Variants in CACNB2 observed in about 807,000 individuals in gnomAD.
CACNB2 encodes the protein calcium voltage-gated channel auxiliary subunit beta 2, also known as voltage-dependent L-type calcium channel subunit beta-2.
A neutral mutation model predicts 73.3 loss-of-function variants in CACNB2; 42 were observed. The observed-to-expected ratio is 0.57, with a 90% CI of 0.45 to 0.74. The LOEUF is 0.74. Among genes scored for constraint, CACNB2 ranks in the 30% least tolerant of loss-of-function variants. The pLI is 0.00. For missense variants in CACNB2, 940 were observed against 853.0 expected (o/e 1.10, Z -1.27); for synonymous variants, 348 against 310.3 (o/e 1.12, Z -1.28).
chr10:18,226,759 C>T (rs1312632662), intron 2 of CACNB2, among the ~76,000 whole-genome samples: 2 of 152,142 alleles, frequency 1.3e-5, no homozygotes, highest in African/African-American at 4.8e-5. Context: ...CCAGAAACCA[C>T]AGGAAAGAAG....
At chr10:18,234,869 C>T (rs918766685) in intron 2 of CACNB2, among the ~76,000 whole-genome samples, 1 of 152,146 alleles carries the variant, frequency 6.6e-6, no homozygotes, top group Non-Finnish European at 1.5e-5. Flanking sequence ...AAGGGCCGGG[C>T]GCGGTGACTC....
chr10:18,227,876 A>G (rs988361454), intron 2 of CACNB2, among the ~76,000 whole-genome samples: 1 of 152,246 alleles, frequency 6.6e-6, no homozygotes, highest in Non-Finnish European at 1.5e-5. Context: ...AGAAGTCAAC[A>G]TGGTGAATTA....
intron 2 of CACNB2, among the ~76,000 whole-genome samples, chr10:18,208,138 C>G (rs1232955156): frequency 6.6e-6 from 1 of 152,150 alleles, no homozygotes; most frequent in African/African-American, 2.4e-5. Context: ...AGCCCATGGA[C>G]TGATAAGCCT....
At chr10:18,403,687 C>G (rs567517199) in intron 3 of CACNB2, among the ~76,000 whole-genome samples, 1 of 152,102 alleles carries the variant, frequency 6.6e-6, no homozygotes, top group South Asian at 2.1e-4. Context: ...AATGTTGCTC[C>G]TAAATCAAAC....
At position 18,400,938 on chromosome 10, in the gene CACNB2, A is replaced by G. The variant is rs1207472152; in HGVS notation, c.214-986A>G. 15 of 1,595,908 alleles carry G rather than the reference A, an allele frequency of 9.4e-6. No homozygotes were observed. In the South Asian group the frequency reaches 1.1e-4, roughly 12 times the overall value. ...GAACAGGGGCTTGCCCAGAGCATGG[A>G]TAGGAAAGGAGCTGGGGTTCTCCGG... On this transcript the variant is annotated intron_variant, in intron 2 of 13. Coordinates refer to ENST00000324631, the MANE Select transcript of CACNB2 (RefSeq NM_201596.3).
At chr10:18,273,622 A>G (rs1470228658) in intron 2 of CACNB2, among the ~76,000 whole-genome samples, 2 of 152,202 alleles carry the variant, frequency 1.3e-5, no homozygotes, top group Non-Finnish European at 2.9e-5. Context: ...GGAAACATCC[A>G]GAATTCAAAA....
At chr10:18,371,122 A>G (rs938638218) in intron 2 of CACNB2, among the ~76,000 whole-genome samples, 4 of 152,210 alleles carry the variant, frequency 2.6e-5, no homozygotes, top group African/African-American at 7.2e-5. Context: ...TATTATTTAA[A>G]AATAGTTATT....
chr10:18,430,762 G>A (rs775403158), intron 3 of CACNB2, among the ~76,000 whole-genome samples: 6 of 152,168 alleles, frequency 3.9e-5, no homozygotes, highest in Non-Finnish European at 8.8e-5. Context: ...ACTATTAAGA[G>A]GGGTAGATAT....
chr10:18,209,784 T>C (rs2035243063), intron 2 of CACNB2, among the ~76,000 whole-genome samples: 1 of 152,148 alleles, frequency 6.6e-6, no homozygotes, highest in South Asian at 2.1e-4. Context: ...TTGTCTTGAG[T>C]CATTTACATG....
chr10:18,220,232 T>A (rs2489202), intron 2 of CACNB2, among the ~76,000 whole-genome samples: 1 of 25,084 alleles, frequency 4.0e-5, no homozygotes, highest in Admixed American at 6.7e-4. Flanking sequence ...TATATATATA[T>A]AGAGAGAGAG....
intron 2 of CACNB2, among the ~76,000 whole-genome samples, chr10:18,370,915 G>A (rs1303833358): frequency 6.6e-6 from 1 of 152,160 alleles, no homozygotes; most frequent in Non-Finnish European, 1.5e-5. Flanking sequence ...AGGTACACAT[G>A]TATATGTCAC....
intron 2 of CACNB2, among the ~76,000 whole-genome samples, chr10:18,361,294 C>G (rs1350485294): frequency 2.7e-5 from 4 of 150,556 alleles, no homozygotes; most frequent in African/African-American, 9.8e-5. Flanking sequence ...GAGTCCAAGA[C>G]CAGCTGGCAA....
At chr10:18,159,126 G>A (rs984255355) in intron 2 of CACNB2, among the ~76,000 whole-genome samples, 3 of 151,660 alleles carry the variant, frequency 2.0e-5, no homozygotes, top group African/African-American at 7.3e-5. Flanking sequence ...TATGTACCTG[G>A]CAGCATTCCA....
intron 3 of CACNB2, among the ~76,000 whole-genome samples, chr10:18,492,633 A>AAAG (rs1554830134): frequency 1.0e-4 from 13 of 130,398 alleles, no homozygotes; most frequent in East Asian, 2.3e-4. Context: ...AAAAAAAAAA[A>AAAG]AAAAAGAAAA....
intron 2 of CACNB2, among the ~76,000 whole-genome samples, chr10:18,184,649 GTTTT>G (rs201899870): frequency 1.2e-3 from 104 of 87,740 alleles, no homozygotes; most frequent in East Asian, 4.8e-3. Flanking sequence ...CTCAGACTTT[GTTTT>G]TTTTTTTTTT....
At chr10:18,317,372 A>T (rs540930169) in intron 2 of CACNB2, among the ~76,000 whole-genome samples, 218 of 152,084 alleles carry the variant, frequency 1.4e-3, no homozygotes, top group Non-Finnish European at 2.4e-3. Context: ...AACCCAATAG[A>T]TGGTTTTTCA....
At chr10:18,289,281 C>CTTT (rs1564407541) in intron 2 of CACNB2, among the ~76,000 whole-genome samples, 6 of 96,940 alleles carry the variant, frequency 6.2e-5, no homozygotes, top group African/African-American at 2.8e-4. Flanking sequence ...ATTTTTTTTT[C>CTTT]TTGTTTTTTT....
intron 3 of CACNB2, among the ~76,000 whole-genome samples, chr10:18,473,478 A>G (rs2048292319): frequency 1.3e-5 from 2 of 152,310 alleles, no homozygotes; most frequent in African/African-American, 2.4e-5. Flanking sequence ...CTGAAATCAC[A>G]TTTAAATTCA....
intron 2 of CACNB2, among the ~76,000 whole-genome samples, chr10:18,271,079 T>C (rs1311243083): frequency 2.6e-5 from 4 of 152,246 alleles, no homozygotes; most frequent in African/African-American, 7.2e-5. Context: ...ACTGTATACT[T>C]GTGTGTATAA....
Sources: allele counts gnomAD v4.1 joint callset (sites outside exome capture counted in the v4.1 genomes callset), GRCh38; gene constraint gnomAD v4.1.1; transcripts MANE v1.5; gene names NCBI Gene and HGNC (gene_info 2026-07-23, HGNC 2026-07-21).